KCNIP4: variants seen among roughly 807,000 people sequenced by gnomAD.
KCNIP4 encodes potassium voltage-gated channel interacting protein 4, also known as Kv channel-interacting protein 4.
In KCNIP4, 12 loss-of-function variants were observed where a neutral mutation model predicts 34.0. That is an observed-to-expected ratio of 0.35 (90% CI 0.23 to 0.57). KCNIP4 has a LOEUF of 0.57. KCNIP4 is among the 20% of genes least tolerant of loss of function. The probability of loss-of-function intolerance (pLI) is 0.83; values close to 1 mark genes in which losing one functional copy is unlikely to be tolerated. For missense variants in KCNIP4, 238 were observed against 311.7 expected, an observed-to-expected ratio of 0.76 and a Z score of 1.78; for synonymous variants, 124 against 102.2, an observed-to-expected ratio of 1.21 and a Z score of -1.29.
At chr4:20,822,312 T>C (rs930913047) in intron 3 of KCNIP4, among the ~76,000 whole-genome samples, 22 of 152,182 alleles carry the variant, frequency 1.4e-4, no homozygotes, top group African/African-American at 5.3e-4. Flanking sequence ...AACACACATA[T>C]GGAAACATAT....
chr4:21,713,373 C>T (rs983334801), intron 1 of KCNIP4, among the ~76,000 whole-genome samples: 1 of 152,138 alleles, frequency 6.6e-6, no homozygotes, highest in African/African-American at 2.4e-5. Context: ...TCTTCTTGAA[C>T]ACTGCTGGGA....
At chr4:21,109,969 T>C (rs997891763) in intron 1 of KCNIP4, among the ~76,000 whole-genome samples, 1 of 152,138 alleles carries the variant, frequency 6.6e-6, no homozygotes, top group Admixed American at 6.5e-5. Context: ...ATATTATTAT[T>C]TGAAATACAC....
Position 21,684,028 on chromosome 4 carries a change from T to C in KCNIP4, c.61+264543A>G, listed in dbSNP as rs190950176. Reference sequence around the variant, plus strand: ...AGCAGAAAAAATAACTATTGGGTACTAGGTTTACTATCTGGCTGCTGAAAT... The same window carrying C: ...AGCAGAAAAAATAACTATTGGGTACCAGGTTTACTATCTGGCTGCTGAAAT... On this transcript the variant is annotated intron_variant, in intron 1 of 8. Transcript: ENST00000382152. 3.3e-5 allele frequency among the ~76,000 whole-genome samples: 5 copies of C among 151,818 alleles called. No individual in the cohort carries two copies. The East Asian group carries it at 9.7e-4, about 29-fold the overall frequency.
intron 1 of KCNIP4, among the ~76,000 whole-genome samples, chr4:21,129,705 C>T (rs6831241): frequency 0.5 from 76,277 of 151,892 alleles, 20,075 homozygotes; most frequent in African/African-American, 0.66. Flanking sequence ...AAGTTCTCAA[C>T]CTTGGGGAAT....
chr4:20,888,939 G>A (rs1215501538), intron 1 of KCNIP4, among the ~76,000 whole-genome samples: 3 of 152,092 alleles, frequency 2.0e-5, no homozygotes, highest in Admixed American at 6.6e-5. Flanking sequence ...TGCTCCCACA[G>A]CTTACTACAG....
chr4:21,630,194 C>T (rs550656393), intron 1 of KCNIP4, among the ~76,000 whole-genome samples: 36 of 150,496 alleles, frequency 2.4e-4, no homozygotes, highest in South Asian at 1.1e-3. Context: ...GCCTTCAGCG[C>T]GGTGGCTCAT....
At chr4:21,529,766 GTAT>G (rs1736517998) in intron 1 of KCNIP4, among the ~76,000 whole-genome samples, 1 of 152,046 alleles carries the variant, frequency 6.6e-6, no homozygotes, top group South Asian at 2.1e-4. Context: ...ATGATCTCAG[GTAT>G]TATGAGATAA....
At chr4:21,780,520 C>T (rs529916233) in intron 1 of KCNIP4, among the ~76,000 whole-genome samples, 5 of 152,026 alleles carry the variant, frequency 3.3e-5, no homozygotes, top group Non-Finnish European at 7.4e-5. Flanking sequence ...AAACCACATG[C>T]ATTTGAGGGA....
In KCNIP4 at chr4:21,219,830, GA is replaced by G. The variant is rs77406270; in HGVS notation, c.62-337122del. 6.1e-4 allele frequency among the ~76,000 whole-genome samples: 92 copies of G among 150,762 alleles called. 1 individual carries two copies. The East Asian group carries it at 7.4e-3, about 12-fold the overall frequency. On this transcript the variant is annotated intron_variant, in intron 1 of 8. Coordinates refer to ENST00000382152, the MANE Select transcript of KCNIP4 (RefSeq NM_025221.6). ...TAGAGATAAAATTGATTCCTTTTAA[GA>G]AAAAAAAATCAATAGAATGGCAGTG...
At chr4:21,542,984 T>C (rs1737832342) in intron 1 of KCNIP4, among the ~76,000 whole-genome samples, 1 of 151,998 alleles carries the variant, frequency 6.6e-6, no homozygotes, top group Non-Finnish European at 1.5e-5. Context: ...ATGATGATTT[T>C]AAATTAATGT....
intron 1 of KCNIP4, among the ~76,000 whole-genome samples, chr4:21,890,960 G>A (rs1306211104): frequency 6.6e-6 from 1 of 152,072 alleles, no homozygotes; most frequent in Admixed American, 6.6e-5. Flanking sequence ...TAAAAAGCAT[G>A]CAGTTTATAT....
At chr4:21,406,985 T>G (rs1724050449) in intron 1 of KCNIP4, among the ~76,000 whole-genome samples, 3 of 152,156 alleles carry the variant, frequency 2.0e-5, no homozygotes, top group South Asian at 2.1e-4. Flanking sequence ...CACTTGGAAA[T>G]GTATATAACT....
chr4:21,177,997 G>T (rs1010922108), intron 1 of KCNIP4, among the ~76,000 whole-genome samples: 1 of 151,806 alleles, frequency 6.6e-6, no homozygotes, highest in African/African-American at 2.4e-5. Context: ...ATCTTGGCTT[G>T]AGCAAGACAA....
At chr4:21,021,869 A>AGTATC (rs1238437587) in intron 1 of KCNIP4, among the ~76,000 whole-genome samples, 3 of 132,598 alleles carry the variant, frequency 2.3e-5, no homozygotes, top group Non-Finnish European at 4.8e-5. Flanking sequence ...CGTATAGTAT[A>AGTATC]GTATAGTATA....
At chr4:21,607,859 A>G (rs1743836681) in intron 1 of KCNIP4, among the ~76,000 whole-genome samples, 1 of 152,000 alleles carries the variant, frequency 6.6e-6, no homozygotes, top group Non-Finnish European at 1.5e-5. Flanking sequence ...CAGCTGGTGG[A>G]CTCTCTAGTA....
chr4:20,972,220 C>T (rs1422160322), intron 1 of KCNIP4, among the ~76,000 whole-genome samples: 2 of 152,164 alleles, frequency 1.3e-5, no homozygotes, highest in South Asian at 2.1e-4. Context: ...ATTTTAACCT[C>T]CAGTAATGAA....
At chr4:21,654,058 C>T (rs1747720113) in intron 1 of KCNIP4, among the ~76,000 whole-genome samples, 1 of 152,136 alleles carries the variant, frequency 6.6e-6, no homozygotes, top group Admixed American at 6.5e-5. Flanking sequence ...GATAGTAGTG[C>T]TTGGAAAAAT....
At chr4:21,875,752 C>T (rs1275938080) in intron 1 of KCNIP4, among the ~76,000 whole-genome samples, 1 of 152,088 alleles carries the variant, frequency 6.6e-6, no homozygotes, top group Non-Finnish European at 1.5e-5. Flanking sequence ...TATAATTGCA[C>T]TGTATTAATC....
chr4:21,594,903 G>A (rs564287384), intron 1 of KCNIP4, among the ~76,000 whole-genome samples: 31 of 152,002 alleles, frequency 2.0e-4, no homozygotes, highest in Non-Finnish European at 4.1e-4. Context: ...ATATTATGTT[G>A]GTGCAAAAGT....
Sources: allele counts gnomAD v4.1 joint callset (sites outside exome capture counted in the v4.1 genomes callset), GRCh38; gene constraint gnomAD v4.1.1; transcripts MANE v1.5; gene names NCBI Gene and HGNC (gene_info 2026-07-23, HGNC 2026-07-21).